Variants in GRIK2 observed in about 807,000 individuals in gnomAD.
GRIK2 encodes the protein glutamate receptor ionotropic, kainate 2.
Under a neutral mutation model 100.3 loss-of-function variants are expected in GRIK2, and 32 were observed. The ratio of observed to expected loss-of-function variants is 0.32; its 90% confidence interval spans 0.24 to 0.43. GRIK2 has a LOEUF of 0.43. Ranked by LOEUF, GRIK2 falls within the 20% of genes least tolerant of loss-of-function variation. The probability of loss-of-function intolerance (pLI) is 1.00; values close to 1 mark genes in which losing one functional copy is unlikely to be tolerated. For missense variants in GRIK2, 843 were observed against 1,114.9 expected (o/e 0.76, Z 3.47); for synonymous variants, 417 against 389.4 (o/e 1.07, Z -0.83).
intron 7 of GRIK2, among the ~76,000 whole-genome samples, chr6:101,700,714 T>A: frequency 6.7e-6 from 1 of 149,142 alleles, no homozygotes; most frequent in Non-Finnish European, 1.5e-5. Context: ...CCTTCTAACT[T>A]GATAACTTGT....
At chr6:101,970,991 G>T (rs947778207) in intron 14 of GRIK2, among the ~76,000 whole-genome samples, 2 of 150,790 alleles carry the variant, frequency 1.3e-5, no homozygotes, top group Admixed American at 6.6e-5. Flanking sequence ...TGGCATAATG[G>T]GAACTGTAGG....
chr6:101,999,909 T>C (rs903690524), intron 14 of GRIK2, among the ~76,000 whole-genome samples: 6 of 152,114 alleles, frequency 3.9e-5, no homozygotes, highest in African/African-American at 9.6e-5. Context: ...ATTTATCTTA[T>C]ACTTTTTAGA....
At chr6:101,519,786 T>G (rs746295549) in intron 2 of GRIK2, among the ~76,000 whole-genome samples, 2 of 152,190 alleles carry the variant, frequency 1.3e-5, no homozygotes, top group Non-Finnish European at 2.9e-5. Context: ...TGAACTTCTC[T>G]TGGTTGGAGG....
intron 2 of GRIK2, among the ~76,000 whole-genome samples, chr6:101,413,040 G>C (rs1206259065): frequency 6.6e-6 from 1 of 151,936 alleles, no homozygotes; most frequent in African/African-American, 2.4e-5. Flanking sequence ...GACTATATCA[G>C]CATTTAAAAT....
At chr6:101,527,578 G>T (rs547003130) in intron 2 of GRIK2, among the ~76,000 whole-genome samples, 1 of 152,158 alleles carries the variant, frequency 6.6e-6, no homozygotes, top group African/African-American at 2.4e-5. Context: ...ACCACTTCTC[G>T]ACTTTGTGAT....
At chr6:101,694,546 T>C (rs1372850900) in intron 7 of GRIK2, among the ~76,000 whole-genome samples, 1 of 152,076 alleles carries the variant, frequency 6.6e-6, no homozygotes, top group Non-Finnish European at 1.5e-5. Context: ...AGAGATGGAA[T>C]TGAGGCCTAC....
intron 2 of GRIK2, among the ~76,000 whole-genome samples, chr6:101,445,153 T>G (rs1317742620): frequency 2.0e-5 from 3 of 152,118 alleles, no homozygotes; most frequent in African/African-American, 7.2e-5. Flanking sequence ...CCTCAATAAC[T>G]TAAGGACTTG....
intron 2 of GRIK2, among the ~76,000 whole-genome samples, chr6:101,609,353 T>C (rs1779573920): frequency 6.6e-6 from 1 of 151,762 alleles, no homozygotes; most frequent in Non-Finnish European, 1.5e-5. Flanking sequence ...AAACTAGTTG[T>C]AAAGAGTAAG....
chr6:101,403,680 A>G (rs1775446270), intron 2 of GRIK2, among the ~76,000 whole-genome samples: 1 of 152,200 alleles, frequency 6.6e-6, no homozygotes. Flanking sequence ...CCGCCACTCT[A>G]CAAATTCTTT....
At chr6:101,947,735 T>A (rs548838040) in intron 14 of GRIK2, among the ~76,000 whole-genome samples, 2 of 152,240 alleles carry the variant, frequency 1.3e-5, no homozygotes, top group South Asian at 4.1e-4. Context: ...ACATGAGAGG[T>A]CCGCACCATG....
chr6:101,657,582 T>G (rs2128331880), intron 4 of GRIK2, among the ~76,000 whole-genome samples: 1 of 152,296 alleles, frequency 6.6e-6, no homozygotes, highest in African/African-American at 2.4e-5. Flanking sequence ...CAATGGCCAA[T>G]TTGAGTATTG....
At chr6:101,595,964 T>G (rs1016929939) in intron 2 of GRIK2, among the ~76,000 whole-genome samples, 23 of 150,964 alleles carry the variant, frequency 1.5e-4, no homozygotes, top group African/African-American at 5.6e-4. Context: ...AATTTTTTTT[T>G]TTTTTTGCTT....
At chr6:101,901,458 C>T (rs1417178) in intron 12 of GRIK2, among the ~76,000 whole-genome samples, 71,484 of 151,260 alleles carry the variant, frequency 0.47, 17,150 homozygotes, top group East Asian at 0.69. Context: ...CTTCAGAAAT[C>T]TTATTATAAA....
rs993290295 is a variant in GRIK2, at chr6:101,795,456, G to A, written c.952-4192G>A. 2.0e-5 allele frequency among the ~76,000 whole-genome samples: 3 copies of A among 152,166 alleles called. 1 individual carries two copies. The highest frequency in any genetic ancestry group is 4.4e-5 in the Non-Finnish European group (3 of 68,036). On this transcript the variant is annotated intron_variant, in intron 7 of 16. Transcript: ENST00000369134. The stretch of plus-strand genomic sequence containing the variant: ...TAAGTGTGCCTGTCTTTAGGCTCCT[G>A]TGTGGCATACAAGGGCACGTGTGTT...
At chr6:101,597,996 C>A (rs752162283) in intron 2 of GRIK2, among the ~76,000 whole-genome samples, 4 of 151,624 alleles carry the variant, frequency 2.6e-5, no homozygotes, top group Non-Finnish European at 5.9e-5. Context: ...AATCTCTAGT[C>A]CTTGATTATC....
intron 5 of GRIK2, among the ~76,000 whole-genome samples, chr6:101,677,949 G>T (rs1336699069): frequency 6.6e-6 from 1 of 152,074 alleles, no homozygotes; most frequent in East Asian, 1.9e-4. Context: ...GGATAATGAA[G>T]CATATGAGAG....
intron 2 of GRIK2, among the ~76,000 whole-genome samples, chr6:101,460,092 C>A (rs1353136730): frequency 1.3e-5 from 2 of 152,188 alleles, no homozygotes; most frequent in African/African-American, 4.8e-5. Context: ...CTTCCAAATT[C>A]TGCCTCTGCT....
At chr6:101,965,050 C>T (rs764982567) in intron 14 of GRIK2, among the ~76,000 whole-genome samples, 35 of 152,058 alleles carry the variant, frequency 2.3e-4, no homozygotes, top group Non-Finnish European at 3.7e-4. Flanking sequence ...TATCTGGAGC[C>T]TCTGGATTGA....
intron 12 of GRIK2, among the ~76,000 whole-genome samples, chr6:101,902,528 A>G (rs1582494781): frequency 1.3e-5 from 2 of 151,990 alleles, no homozygotes; most frequent in South Asian, 2.1e-4. Flanking sequence ...AACAATTAGC[A>G]TAACATTTTT....
Sources: allele counts gnomAD v4.1 joint callset (sites outside exome capture counted in the v4.1 genomes callset), GRCh38; gene constraint gnomAD v4.1.1; transcripts MANE v1.5; gene names NCBI Gene and HGNC (gene_info 2026-07-23, HGNC 2026-07-21).